The following ZRANB3 variants were observed in gnomAD, a reference collection of about 807,000 sequenced individuals.
ZRANB3 encodes DNA annealing helicase and endonuclease ZRANB3.
ZRANB3 carries 125 observed loss-of-function variants against 133.8 expected under a neutral mutation model. That is an observed-to-expected ratio of 0.93 (90% CI 0.81 to 1.08). The LOEUF is 1.08. Ranked by LOEUF, ZRANB3 falls within the 50% of genes least tolerant of loss-of-function variation. The pLI is 0.00. For missense variants in ZRANB3, 1,229 were observed against 1,275.5 expected (o/e 0.96, Z 0.56); for synonymous variants, 387 against 432.7 (o/e 0.89, Z 1.31).
intron 6 of ZRANB3, among the ~76,000 whole-genome samples, chr2:135,319,239 CAAAAA>C (rs772897076): frequency 2.6e-4 from 40 of 152,054 alleles, no homozygotes; most frequent in Non-Finnish European, 4.9e-4. Flanking sequence ...TTACACAAAA[CAAAAA>C]ATTTATAAAT....
At chr2:135,425,369 A>C (rs189892995) in intron 2 of ZRANB3, among the ~76,000 whole-genome samples, 54 of 152,090 alleles carry the variant, frequency 3.6e-4, no homozygotes, top group African/African-American at 1.2e-3. Context: ...GAAAGTATTG[A>C]GAAGAGATTT....
intron 2 of ZRANB3, among the ~76,000 whole-genome samples, chr2:135,434,748 A>C (rs183720733): frequency 2.0e-5 from 3 of 152,378 alleles, no homozygotes; most frequent in Non-Finnish European, 4.4e-5. Context: ...AGATAAGACT[A>C]TAAACTAATC....
intron 15 of ZRANB3, among the ~76,000 whole-genome samples, chr2:135,220,854 A>AT (rs199874707): frequency 0.16 from 23,180 of 144,648 alleles, 2,703 homozygotes; most frequent in South Asian, 0.32. Context: ...TGAACTAGGA[A>AT]TTTATTTTTT....
chr2:135,242,281 A>G (rs538747401), intron 12 of ZRANB3, among the ~76,000 whole-genome samples: 2 of 152,282 alleles, frequency 1.3e-5, no homozygotes, highest in Non-Finnish European at 2.9e-5. Flanking sequence ...ACATAGAGGT[A>G]GTTCAATAAA....
intron 2 of ZRANB3, among the ~76,000 whole-genome samples, chr2:135,503,173 GA>G (rs564627255): frequency 1.1e-3 from 162 of 151,602 alleles, no homozygotes; most frequent in East Asian, 8.3e-3. Flanking sequence ...AATCTCAACA[GA>G]AAAAAAAGTC....
chr2:135,402,566 T>C (rs1687785282), intron 2 of ZRANB3, among the ~76,000 whole-genome samples: 1 of 151,786 alleles, frequency 6.6e-6, no homozygotes. Context: ...TGTGCTGGGA[T>C]TACAGGGCTT....
chr2:135,473,829 C>T, intron 2 of ZRANB3, among the ~76,000 whole-genome samples: 1 of 152,126 alleles, frequency 6.6e-6, no homozygotes, highest in East Asian at 1.9e-4. Flanking sequence ...TTCCATCCTA[C>T]CCAATATAAA....
At chr2:135,507,141 T>C (rs1258231619) in intron 1 of ZRANB3, among the ~76,000 whole-genome samples, 1 of 152,214 alleles carries the variant, frequency 6.6e-6, no homozygotes, top group Non-Finnish European at 1.5e-5. Flanking sequence ...ATGCGGTACA[T>C]GTAGAGAATA....
chr2:135,352,524 A>C (rs1250130045), intron 4 of ZRANB3, among the ~76,000 whole-genome samples: 1 of 152,004 alleles, frequency 6.6e-6, no homozygotes, highest in Non-Finnish European at 1.5e-5. Context: ...TAACCATGTA[A>C]ATAGAGTCCA....
At chr2:135,330,267 G>C (rs767433254) in intron 6 of ZRANB3, among the ~76,000 whole-genome samples, 1 of 152,248 alleles carries the variant, frequency 6.6e-6, no homozygotes, top group East Asian at 1.9e-4. Context: ...GGCATGAAGG[G>C]CTGTTGAATT....
chr2:135,324,817 T>C (rs1683730820), intron 6 of ZRANB3, among the ~76,000 whole-genome samples: 1 of 152,086 alleles, frequency 6.6e-6, no homozygotes, highest in Non-Finnish European at 1.5e-5. Context: ...TTGATTTGCA[T>C]TTCTCTGATG....
intron 12 of ZRANB3, among the ~76,000 whole-genome samples, chr2:135,249,076 T>C (rs1315319632): frequency 7.2e-5 from 11 of 152,100 alleles, no homozygotes; most frequent in Non-Finnish European, 1.3e-4. Flanking sequence ...TCAGAATGGC[T>C]ATTAAAAAGT....
At position 135,494,136 on chromosome 2, in the gene ZRANB3, GGGAAGGAA is replaced by G. The variant is rs529553987; in HGVS notation, c.161+10185_161+10192del. ...AGGGAGGGAGGAAGGGAGGGAGAGA[GGGAAGGAA>G]GGAAGGAAGGAAGGAAGGAAGGGAG... is the stretch of plus-strand genomic sequence containing the variant. On this transcript the variant is annotated intron_variant, in intron 2 of 20. Transcript: ENST00000264159. 2.1e-3 allele frequency among the ~76,000 whole-genome samples: 226 copies of G among 105,310 alleles called. 1 individual carries two copies. Among genetic ancestry groups the G allele is most frequent in the African/African-American group, 5.1e-3 (105 of 20,588 alleles). 69.1% of individuals were successfully genotyped at this position (105,310 alleles called of 152,430 possible).
chr2:135,362,453 G>T (rs1240524959), intron 3 of ZRANB3, among the ~76,000 whole-genome samples: 1 of 152,096 alleles, frequency 6.6e-6, no homozygotes, highest in Middle Eastern at 3.2e-3. Context: ...GAAAGGAGAT[G>T]GGCCTTAGAG....
chr2:135,207,614 C>G lies in ZRANB3; in HGVS notation c.2829G>C (p.Glu943Asp). ...AACTGTTATTAGATCGAATCCAAAACTCTTCCTGACATTTCAGAGAGCAAA... is the reference window on the plus strand; with the variant it reads ...AACTGTTATTAGATCGAATCCAAAAGTCTTCCTGACATTTCAGAGAGCAAA... The part of the protein sequence containing the change: ...SRFCSLKCQE[E>D]FWIRSNNSYL... Residue 943 changes from glutamate to aspartate, a missense_variant, in exon 19 of 21, where the codon GAG (glutamate) becomes GAC (aspartate). Glu to Asp is a conservative substitution (Grantham distance 45). Coordinates refer to ENST00000264159, the MANE Select transcript of ZRANB3 (RefSeq NM_032143.4). 6.2e-7 allele frequency: 1 copy of G among 1,614,022 alleles called. No individual in the cohort carries two copies. Among genetic ancestry groups the G allele is most frequent in the African/African-American group, 1.3e-5 (1 of 75,056 alleles).
intron 3 of ZRANB3, among the ~76,000 whole-genome samples, chr2:135,389,268 C>T (rs545712614): frequency 1.3e-5 from 2 of 152,244 alleles, no homozygotes; most frequent in East Asian, 3.9e-4. Context: ...AAATAAACAC[C>T]TATTGAATGA....
At chr2:135,208,303 A>T (rs1038698785) in intron 18 of ZRANB3, among the ~76,000 whole-genome samples, 1 of 152,214 alleles carries the variant, frequency 6.6e-6, no homozygotes, top group Non-Finnish European at 1.5e-5. Context: ...TCACAGCCAT[A>T]AAGTGACAGA....
intron 9 of ZRANB3, among the ~76,000 whole-genome samples, chr2:135,273,641 C>T (rs544162729): frequency 4.1e-4 from 63 of 152,066 alleles, no homozygotes; most frequent in Admixed American, 9.2e-4. Flanking sequence ...TAGGTTCAAG[C>T]GATTCTCCTG....
chr2:135,207,956 T>C (rs1486280384), intron 18 of ZRANB3, 120 bp from the exon 19 acceptor site: 8 of 1,015,038 alleles, frequency 7.9e-6, no homozygotes, highest in Non-Finnish European at 9.7e-6. Context: ...GATCACAGTG[T>C]AGAAATAAAA....
Sources: allele counts gnomAD v4.1 joint callset (sites outside exome capture counted in the v4.1 genomes callset), GRCh38; gene constraint gnomAD v4.1.1; transcripts MANE v1.5; gene names NCBI Gene and HGNC (gene_info 2026-07-23, HGNC 2026-07-21).